DLC1: variants seen among roughly 807,000 people sequenced by gnomAD.
DLC1 encodes DLC1 Rho GTPase activating protein.
Under a neutral mutation model 140.3 loss-of-function variants are expected in DLC1, and 54 were observed. That is an observed-to-expected ratio of 0.38 (90% CI 0.31 to 0.48). The LOEUF is 0.48. DLC1 is among the 20% of genes least tolerant of loss of function. The pLI is 0.96. For missense variants in DLC1, 2,536 were observed against 1,907.0 expected (o/e 1.33, Z -6.14); for synonymous variants, 986 against 728.1 (o/e 1.35, Z -5.70).
At chr8:13,453,556 A>ATATATT (rs1355906460) in intron 2 of DLC1, among the ~76,000 whole-genome samples, 1 of 26,926 alleles carries the variant, frequency 3.7e-5, no homozygotes, top group Non-Finnish European at 6.6e-5. Context: ...ATATATATAT[A>ATATATT]TTTTTTTTTT....
intron 2 of DLC1, among the ~76,000 whole-genome samples, chr8:13,430,637 A>G (rs1359348498): frequency 6.6e-6 from 1 of 152,216 alleles, no homozygotes; most frequent in African/African-American, 2.4e-5. Flanking sequence ...TCTCCATTGA[A>G]CAAAAAGATT....
chr8:13,575,133 T>C (rs1804792508), intron 1 of DLC1, among the ~76,000 whole-genome samples: 1 of 152,218 alleles, frequency 6.6e-6, no homozygotes, highest in Admixed American at 6.5e-5. Flanking sequence ...TCAACTCAAA[T>C]TACAGCGAAA....
intron 5 of DLC1, among the ~76,000 whole-genome samples, chr8:13,271,777 T>C (rs759517895): frequency 2.6e-5 from 4 of 152,212 alleles, no homozygotes; most frequent in Non-Finnish European, 5.9e-5. Context: ...TTTGAACTCC[T>C]GGGCTCAAGT....
At chr8:13,381,058 C>T (rs1359971028) in intron 4 of DLC1, among the ~76,000 whole-genome samples, 1 of 152,104 alleles carries the variant, frequency 6.6e-6, no homozygotes, top group Non-Finnish European at 1.5e-5. Context: ...TGACATGAGT[C>T]CCTGTAGTGT....
chr8:13,468,096 G>C (rs1800024563), intron 2 of DLC1, among the ~76,000 whole-genome samples: 1 of 152,078 alleles, frequency 6.6e-6, no homozygotes, highest in South Asian at 2.1e-4. Context: ...AAAATCATCT[G>C]GACTTGGCAT....
intron 1 of DLC1, among the ~76,000 whole-genome samples, chr8:13,507,280 TAGA>T (rs1465716830): frequency 6.6e-6 from 1 of 152,188 alleles, no homozygotes; most frequent in Non-Finnish European, 1.5e-5. Flanking sequence ...GACATATGCT[TAGA>T]AGCCAGAAAG....
At chr8:13,560,194 G>A (rs1045706162) in intron 1 of DLC1, among the ~76,000 whole-genome samples, 5 of 151,822 alleles carry the variant, frequency 3.3e-5, no homozygotes, top group Non-Finnish European at 5.9e-5. Flanking sequence ...GAGTTTTACC[G>A]GATACTCAGA....
chr8:13,225,987 A>G (rs1828781446), intron 5 of DLC1, among the ~76,000 whole-genome samples: 1 of 152,054 alleles, frequency 6.6e-6, no homozygotes, highest in African/African-American at 2.4e-5. Flanking sequence ...ATCATGGTTC[A>G]TTGCAGCCTT....
intron 2 of DLC1, among the ~76,000 whole-genome samples, chr8:13,409,852 G>C (rs541487838): frequency 4.6e-5 from 7 of 152,264 alleles, no homozygotes; most frequent in South Asian, 2.1e-4. Context: ...ACGTGCTAAG[G>C]TTCATGTAGA....
At chr8:13,236,356 C>A (rs1027376026) in intron 5 of DLC1, among the ~76,000 whole-genome samples, 16 of 152,140 alleles carry the variant, frequency 1.1e-4, no homozygotes, top group Middle Eastern at 3.4e-3. Context: ...CAGTGAATAG[C>A]GCTATTGTAC....
In DLC1 at chr8:13,563,727, T is replaced by C. The variant is rs1804327074; in HGVS notation, c.-126+40810A>G. Among the ~76,000 whole-genome samples, 3 of 152,194 alleles carry C rather than the reference T, an allele frequency of 2.0e-5. 1 individual carries two copies. The highest frequency in any genetic ancestry group is 4.4e-5 in the Non-Finnish European group (3 of 68,030). On this transcript the variant is annotated intron_variant, in intron 1 of 1. Transcript: ENST00000631382. ...TGATTTCTGGAATTTATCCTAAACA[T>C]ATAGCTAGAAATGTATGTAAAGATT...
intron 5 of DLC1, among the ~76,000 whole-genome samples, chr8:13,171,361 C>T (rs1439632227): frequency 6.6e-6 from 1 of 152,126 alleles, no homozygotes; most frequent in Non-Finnish European, 1.5e-5. Flanking sequence ...AAATAACTCA[C>T]TGAGATTCTG....
intron 4 of DLC1, among the ~76,000 whole-genome samples, chr8:13,381,334 C>A (rs575403452): frequency 6.6e-6 from 1 of 152,122 alleles, no homozygotes; most frequent in African/African-American, 2.4e-5. Flanking sequence ...AACTGACCTG[C>A]AAAAAAGGAG....
chr8:13,417,600 C>T (rs1359934820), intron 2 of DLC1, among the ~76,000 whole-genome samples: 4 of 151,884 alleles, frequency 2.6e-5, no homozygotes, highest in Non-Finnish European at 2.9e-5. Context: ...TTTCTTAATC[C>T]AGTCTATGAT....
At chr8:13,299,255 C>T (rs1255226075) in intron 5 of DLC1, among the ~76,000 whole-genome samples, 1 of 151,500 alleles carries the variant, frequency 6.6e-6, no homozygotes, top group Admixed American at 6.6e-5. Context: ...CCAGCCCAGC[C>T]AACATAGTGA....
chr8:13,417,604 C>G (rs530375365), intron 2 of DLC1, among the ~76,000 whole-genome samples: 1 of 151,922 alleles, frequency 6.6e-6, no homozygotes, highest in East Asian at 1.9e-4. Context: ...TTAATCCAGT[C>G]TATGATTGTT....
chr8:13,586,203 C>T (rs1264227290), intron 1 of DLC1, among the ~76,000 whole-genome samples: 3 of 152,062 alleles, frequency 2.0e-5, no homozygotes, highest in Non-Finnish European at 4.4e-5. Flanking sequence ...TTTATGATGA[C>T]TGTTTTAAGG....
At chr8:13,202,875 T>C (rs1827468187) in intron 5 of DLC1, among the ~76,000 whole-genome samples, 1 of 152,106 alleles carries the variant, frequency 6.6e-6, no homozygotes, top group South Asian at 2.1e-4. Context: ...GGTCTCACTA[T>C]GTTGCCAAGG....
intron 5 of DLC1, among the ~76,000 whole-genome samples, chr8:13,179,289 G>C (rs1404980909): frequency 6.6e-6 from 1 of 151,974 alleles, no homozygotes; most frequent in Non-Finnish European, 1.5e-5. Flanking sequence ...GGGGCAGGAA[G>C]GGATCGTCTG....
Sources: gnomAD v4.1 joint callset for allele counts (sites outside exome capture counted in the v4.1 genomes callset) on GRCh38, gnomAD v4.1.1 for gene constraint, MANE v1.5 for transcripts, NCBI Gene and HGNC (gene_info 2026-07-23, HGNC 2026-07-21) for gene names.